Variants in DNMBP observed in about 807,000 individuals in gnomAD.
The protein encoded by DNMBP is dynamin binding protein, also known as dynamin-binding protein.
DNMBP carries 87 observed loss-of-function variants against 150.0 expected under a neutral mutation model. The observed-to-expected ratio is 0.58, with a 90% CI of 0.49 to 0.69. DNMBP has a LOEUF of 0.69. DNMBP is among the 30% of genes least tolerant of loss of function. The probability of loss-of-function intolerance (pLI) is 0.00; values close to 1 mark genes in which losing one functional copy is unlikely to be tolerated. For missense variants in DNMBP, 1,774 were observed against 1,949.0 expected, an observed-to-expected ratio of 0.91 and a Z score of 1.69; for synonymous variants, 711 against 750.4, an observed-to-expected ratio of 0.95 and a Z score of 0.86.
chr10:99,898,438 ATTC>A (rs2039691382), intron 8 of DNMBP, 153 bp from the exon 9 acceptor site: 1 of 725,176 alleles, frequency 1.4e-6, no homozygotes, highest in Non-Finnish European at 2.4e-6. Flanking sequence ...ATTGCTCTCT[ATTC>A]TTTTACCCTA....
At chr10:99,915,128 T>TATATATAC (rs1439020903) in intron 4 of DNMBP, among the ~76,000 whole-genome samples, 52 of 126,112 alleles carry the variant, frequency 4.1e-4, no homozygotes, top group African/African-American at 1.3e-3. Flanking sequence ...TATATATATA[T>TATATATAC]ACACACACAC....
intron 4 of DNMBP, chr10:99,929,641 A>G: frequency 5.8e-6 from 4 of 693,074 alleles, no homozygotes; most frequent in African/African-American, 1.8e-5. Flanking sequence ...ACGAACTCTG[A>G]GCGCCTCAGG....
chr10:99,917,057 T>A lies in DNMBP; in HGVS notation c.2261-7911A>T, dbSNP rs535404910. 2.6e-5 allele frequency among the ~76,000 whole-genome samples: 4 copies of A among 152,216 alleles called. No individual in the cohort carries two copies. In the East Asian group the frequency reaches 7.7e-4, roughly 29 times the overall value. Reference sequence around the variant, plus strand: ...GTAAATAAACTATGGCATGCCCATATAATAAAATACTCTTATAAGGCCAGG... The same window carrying A: ...GTAAATAAACTATGGCATGCCCATAAAATAAAATACTCTTATAAGGCCAGG... On this transcript the variant is annotated intron_variant, in intron 4 of 16. Transcript: ENST00000324109.
chr10:99,962,138 C>T (rs1380938236), intron 3 of DNMBP, among the ~76,000 whole-genome samples: 2 of 152,140 alleles, frequency 1.3e-5, no homozygotes, highest in African/African-American at 4.8e-5. Flanking sequence ...TTGTCTATAT[C>T]ATGAATTCTG....
chr10:99,970,094 C>A (rs2040659414), intron 2 of DNMBP, among the ~76,000 whole-genome samples: 1 of 152,228 alleles, frequency 6.6e-6, no homozygotes, highest in Non-Finnish European at 1.5e-5. Flanking sequence ...TTCTCTAGGT[C>A]CCCTGTGTTC....
In DNMBP at chr10:99,980,736, T is replaced by C. The variant is rs1271535666; in HGVS notation, c.-10-8602A>G. 2.7e-5 allele frequency among the ~76,000 whole-genome samples: 4 copies of C among 148,490 alleles called. No individual in the cohort carries two copies. The South Asian group carries it at 6.4e-4, about 24-fold the overall frequency. On this transcript the variant is annotated intron_variant, in intron 1 of 16. Transcript: ENST00000324109. ...GGGAGGGTTGCTTGAGCCCAGGAGA[T>C]TGAGGCTGCCATGAACAGTGTTTGT...
At chr10:99,909,227 T>G in intron 4 of DNMBP, 81 bp from the exon 5 acceptor site, 1 of 1,158,450 alleles carries the variant, frequency 8.6e-7, no homozygotes, top group Non-Finnish European at 1.2e-6. Context: ...ACAGAACCCA[T>G]TTCCTGAGAA....
At position 99,972,086 on chromosome 10, in the gene DNMBP, G is replaced by C. The variant is rs759922163; in HGVS notation, c.39C>G (p.Phe13Leu). The change falls in exon 2 of 17, where the codon TTC becomes TTG. Residue 13 changes from phenylalanine to leucine, a missense_variant. Physicochemically the swap from Phe to Leu is conservative, Grantham distance 22. This residue lies in a region of DNMBP where 344 missense variants were observed against 456.6 expected (regional missense o/e 0.75). Coordinates refer to ENST00000324109, the MANE Select transcript of DNMBP (RefSeq NM_015221.4). ...AGSVVRAIFD[F>L]CPSVSEELPL... The stretch of plus-strand genomic sequence containing the variant: ...GCAGTTCTTCTGATACGCTAGGGCA[G>C]AAGTCAAAAATGGCTCGAACCACTG... 3.7e-6 allele frequency: 6 copies of C among 1,613,620 alleles called. No individual in the cohort carries two copies. In the East Asian group the frequency reaches 1.3e-4, roughly 36 times the overall value.
chr10:99,995,608 TG>T (rs1213263586), intron 1 of DNMBP, among the ~76,000 whole-genome samples: 2 of 152,136 alleles, frequency 1.3e-5, no homozygotes, highest in African/African-American at 2.4e-5. Flanking sequence ...ACAGGCTTGT[TG>T]GGGGCATTTC....
intron 4 of DNMBP, chr10:99,930,233 C>T: frequency 1.4e-6 from 1 of 702,856 alleles, no homozygotes; most frequent in Non-Finnish European, 2.6e-6. Context: ...GGTCTATATA[C>T]CACAACTGAG....
chr10:99,971,876 G>A, intron 2 of DNMBP, 104 bp downstream of exon 2: 3 of 799,270 alleles, frequency 3.8e-6, no homozygotes, highest in Non-Finnish European at 3.7e-6. Context: ...TTTTTTTTAA[G>A]ACAGGGTCTC....
intron 4 of DNMBP, among the ~76,000 whole-genome samples, chr10:99,935,656 C>T (rs2040221900): frequency 6.6e-6 from 1 of 152,098 alleles, no homozygotes; most frequent in South Asian, 2.1e-4. Flanking sequence ...CCTCTGCCTC[C>T]CAGGTTCAAG....
chr10:99,880,446 T>C, intron 15 of DNMBP, 85 bp from the exon 16 acceptor site: 1 of 1,417,638 alleles, frequency 7.1e-7, no homozygotes, highest in Non-Finnish European at 9.2e-7. Context: ...AAAAAACTGA[T>C]CTAGGTTATT....
rs112662710 is a variant in DNMBP at position 99,998,233 on chromosome 10, C to CAA, written c.-11+11603_-11+11604dup. Among the ~76,000 whole-genome samples the CAA allele has an allele frequency of 7.8e-3, 1,017 of 130,438 alleles. 16 individuals carry two copies. The highest frequency in any genetic ancestry group is 0.026 in the African/African-American group (890 of 34,820). 85.6% of individuals were successfully genotyped at this position (130,438 alleles called of 152,430 possible). ...CTGGTGACAGAGCAAGACTCCGTCT[C>CAA]AAAAAAAAAAAAAGGAAAACCATAA... On this transcript the variant is annotated intron_variant, in intron 1 of 16. Transcript: ENST00000324109.
chr10:99,974,774 G>A (rs2040710959), intron 1 of DNMBP, among the ~76,000 whole-genome samples: 1 of 151,702 alleles, frequency 6.6e-6, no homozygotes, highest in Non-Finnish European at 1.5e-5. Context: ...TGGTAGCTCT[G>A]TTAATTTTAT....
intron 4 of DNMBP, among the ~76,000 whole-genome samples, chr10:99,954,108 CA>C (rs1203546062): frequency 1.3e-5 from 2 of 152,030 alleles, no homozygotes; most frequent in Non-Finnish European, 1.5e-5. Flanking sequence ...TCATTGCTCA[CA>C]GCAACCTCTG....
intron 4 of DNMBP, among the ~76,000 whole-genome samples, chr10:99,944,240 G>C (rs1811845915): frequency 6.6e-6 from 1 of 152,032 alleles, no homozygotes; most frequent in African/African-American, 2.4e-5. Flanking sequence ...AAATATGAAT[G>C]ATAATATGAC....
intron 4 of DNMBP, among the ~76,000 whole-genome samples, chr10:99,937,836 A>T (rs1197038799): frequency 6.6e-6 from 1 of 152,228 alleles, no homozygotes; most frequent in Non-Finnish European, 1.5e-5. Context: ...GGTTCACCAA[A>T]CCAATAGGAA....
intron 3 of DNMBP, among the ~76,000 whole-genome samples, chr10:99,961,278 T>C (rs2040561720): frequency 7.4e-6 from 1 of 134,252 alleles, no homozygotes. Context: ...TTTTTTTTTT[T>C]TTTTTTTTTT....
Sources: gnomAD v4.1 joint callset for allele counts (sites outside exome capture counted in the v4.1 genomes callset) on GRCh38, gnomAD v4.1.1 for gene constraint, gnomAD v4.1.1 regional missense constraint, MANE v1.5 for transcripts, NCBI Gene and HGNC (gene_info 2026-07-23, HGNC 2026-07-21) for gene names.